GSDMC: variants seen among roughly 807,000 people sequenced by gnomAD.
GSDMC encodes the protein gasdermin C, also known as gasdermin-C.
Under a neutral mutation model 58.0 loss-of-function variants are expected in GSDMC, and 59 were observed. The ratio of observed to expected loss-of-function variants is 1.02; its 90% CI spans 0.82 to 1.26. The LOEUF is 1.26. Among genes scored for constraint, GSDMC ranks in the 50% most tolerant of loss-of-function variants. GSDMC has a pLI of 0.00. For missense variants in GSDMC, 659 were observed against 598.5 expected, an observed-to-expected ratio of 1.10 and a Z score of -1.06; for synonymous variants, 241 against 220.2, an observed-to-expected ratio of 1.09 and a Z score of -0.83.
At chr8:129,732,978 G>C in the GSDMC span, among the ~76,000 whole-genome samples, 1 of 152,248 alleles carries the variant, frequency 6.6e-6, no homozygotes, top group South Asian at 2.1e-4. Context: ...TTTTCCAATG[G>C]TCTTAGCAAA....
intron 4 of GSDMC, among the ~76,000 whole-genome samples, chr8:129,764,706 A>T (rs1321781384): frequency 6.6e-6 from 1 of 152,234 alleles, no homozygotes; most frequent in Non-Finnish European, 1.5e-5. Flanking sequence ...CTGTATCAAA[A>T]TATCTCATGT....
rs557813389 is a variant in GSDMC, at chr8:129,752,055, G to T, written c.886+51C>A. On this transcript the variant is annotated intron_variant, in intron 8 of 13. Transcript: ENST00000276708. ...TAATAGCACCAAAGGCAATCAGGTG[G>T]TTTTTTGTTGTGCAGATTGTCCTGG... is the stretch of plus-strand genomic sequence containing the variant. 19 of 1,563,946 alleles carry T rather than the reference G, an allele frequency of 1.2e-5. 1 individual carries two copies. The East Asian group carries it at 3.8e-4, about 31-fold the overall frequency.
chr8:129,730,061 AAAG>A, the GSDMC span: 26 of 1,137,538 alleles, frequency 2.3e-5, no homozygotes, highest in Middle Eastern at 3.0e-4. Context: ...GAAAATAAGT[AAAG>A]AAGATTTTTC....
chr8:129,747,334 AAAT>A (rs201036494), downstream of GSDMC, among the ~76,000 whole-genome samples: 3,786 of 152,280 alleles, frequency 0.025, 64 homozygotes, highest in Middle Eastern at 0.14. Context: ...GGCAATTTAC[AAAT>A]AATAAAATAA....
the GSDMC span, among the ~76,000 whole-genome samples, chr8:129,736,981 T>C: frequency 6.6e-6 from 1 of 152,180 alleles, no homozygotes; most frequent in African/African-American, 2.4e-5. Flanking sequence ...TCACAAGCAT[T>C]CTTATACACC....
chr8:129,746,555 A>G (rs1460535863), downstream of GSDMC, among the ~76,000 whole-genome samples: 2 of 152,242 alleles, frequency 1.3e-5, no homozygotes, highest in Non-Finnish European at 2.9e-5. Flanking sequence ...TCCTGAAAGG[A>G]AAAAATGAAT....
the GSDMC span, among the ~76,000 whole-genome samples, chr8:129,722,711 T>C: frequency 6.6e-6 from 1 of 152,334 alleles, no homozygotes; most frequent in Non-Finnish European, 1.5e-5. Flanking sequence ...AATGAATGAA[T>C]GAATGGTAAA....
chr8:129,723,691 C>A, the GSDMC span, among the ~76,000 whole-genome samples: 2 of 152,076 alleles, frequency 1.3e-5, no homozygotes, highest in Non-Finnish European at 2.9e-5. Flanking sequence ...TACAAAAGCA[C>A]AAGGATTTCC....
chr8:129,723,483 G>A, the GSDMC span, among the ~76,000 whole-genome samples: 2 of 147,128 alleles, frequency 1.4e-5, no homozygotes, highest in African/African-American at 5.0e-5. Flanking sequence ...GGTCAGATTG[G>A]TCTCGAACTC....
rs1361846237 is a variant in GSDMC at position 129,777,536 on chromosome 8, T to C, written c.52A>G (p.Ser18Gly). 5 of 1,613,430 alleles carry C rather than the reference T, an allele frequency of 3.1e-6. No homozygotes were observed. The Admixed American group carries it at 8.3e-5, about 27-fold the overall frequency. Residue 18 changes from serine to glycine, a missense_variant, in exon 2 of 14, where the codon AGC (serine) becomes GGC (glycine). Physicochemically the swap from Ser to Gly is moderately conservative, Grantham distance 56. Transcript: ENST00000276708. Reference protein sequence around the residue: ...ISKNLVKEIGSKDLTPVKYLL... With the variant: ...ISKNLVKEIGGKDLTPVKYLL... ...TATTTGACAGGTGTCAGGTCTTTGCTTCCAATCTCTTTGACCAAATTTTTG... is the reference window on the plus strand; with the variant it reads ...TATTTGACAGGTGTCAGGTCTTTGCCTCCAATCTCTTTGACCAAATTTTTG...
chr8:129,712,802 A>G, the GSDMC span, among the ~76,000 whole-genome samples: 1 of 152,244 alleles, frequency 6.6e-6, no homozygotes, highest in East Asian at 1.9e-4. Context: ...CATTTTACCC[A>G]TCTAGAGTTT....
chr8:129,730,509 T>C, the GSDMC span: 1 of 552,818 alleles, frequency 1.8e-6, no homozygotes, highest in Admixed American at 3.9e-5. Context: ...ATCCACATAG[T>C]GTAAAAATAC....
At chr8:129,759,500 C>T (rs1203090389) in intron 6 of GSDMC, among the ~76,000 whole-genome samples, 1 of 152,094 alleles carries the variant, frequency 6.6e-6, no homozygotes, top group East Asian at 1.9e-4. Context: ...ATTTAAGAAG[C>T]TCAAATGACT....
the GSDMC span, among the ~76,000 whole-genome samples, chr8:129,732,031 G>A: frequency 2.0e-5 from 3 of 152,130 alleles, no homozygotes; most frequent in Non-Finnish European, 4.4e-5. Flanking sequence ...ACTTGAATGT[G>A]TCCCCTCAAA....
chr8:129,748,756 T>A lies in GSDMC; in HGVS notation c.1288-16A>T. ...TGCTCCTTACCTAGAAGAAAGATGATCAGGTTCTACAGACCAGCCTTTAAG... is the reference window on the plus strand; with the variant it reads ...TGCTCCTTACCTAGAAGAAAGATGAACAGGTTCTACAGACCAGCCTTTAAG... On this transcript the variant is annotated splice_polypyrimidine_tract_variant and intron_variant, in intron 13 of 13. Transcript: ENST00000276708. The A allele has an allele frequency of 6.6e-7, 1 of 1,506,360 alleles. No individual in the cohort carries two copies. Among genetic ancestry groups the A allele is most frequent in the Non-Finnish European group, 8.9e-7 (1 of 1,129,798 alleles). The allele number at this position is 1,506,360 out of a possible 1,614,324, so 93.3% of individuals were successfully genotyped here. A position where few individuals can be genotyped will look rare whatever the true frequency, so the allele number is the denominator to read the frequency against.
intron 6 of GSDMC, among the ~76,000 whole-genome samples, chr8:129,753,289 G>T (rs1600794): frequency 0.16 from 24,503 of 152,142 alleles, 2,575 homozygotes; most frequent in Non-Finnish European, 0.23. Flanking sequence ...ATTCTGTCCC[G>T]CATCGTGGAT....
chr8:129,739,789 A>G, the GSDMC span, among the ~76,000 whole-genome samples: 112 of 152,284 alleles, frequency 7.4e-4, no homozygotes, highest in African/African-American at 2.4e-3. Context: ...TTTACTATAG[A>G]TTGTTATTTT....
At chr8:129,749,744 G>A (rs1002368181) in intron 12 of GSDMC, among the ~76,000 whole-genome samples, 7 of 152,164 alleles carry the variant, frequency 4.6e-5, no homozygotes, top group Admixed American at 2.6e-4. Context: ...GCTGAAAGCT[G>A]GAATCACCCA....
At chr8:129,765,981 T>C (rs1206523413) in intron 3 of GSDMC, among the ~76,000 whole-genome samples, 188 bp from the exon 4 acceptor site, 1 of 152,144 alleles carries the variant, frequency 6.6e-6, no homozygotes, top group Non-Finnish European at 1.5e-5. Context: ...GAGATCCCAA[T>C]GATGGTGGTT....
Sources: gnomAD v4.1 joint callset for allele counts (sites outside exome capture counted in the v4.1 genomes callset) on GRCh38, gnomAD v4.1.1 for gene constraint, MANE v1.5 for transcripts, NCBI Gene and HGNC (gene_info 2026-07-23, HGNC 2026-07-21) for gene names.